The following RUNX1 variants were observed in gnomAD, a reference collection of about 807,000 sequenced individuals.
The protein encoded by RUNX1 is runt-related transcription factor 1.
In RUNX1, 19 loss-of-function variants were observed where a neutral mutation model predicts 42.8. That is an observed-to-expected ratio of 0.44 (90% CI 0.31 to 0.65). The LOEUF (loss-of-function observed/expected upper bound fraction) is 0.65. Among genes scored for constraint, RUNX1 ranks in the 30% least tolerant of loss-of-function variants. The pLI, the probability that RUNX1 is intolerant of heterozygous loss-of-function variation, is 0.07. For synonymous variants in RUNX1, 271 were observed against 289.4 expected, an observed-to-expected ratio of 0.94 and a Z score of 0.64; for missense variants, 528 against 672.0, an observed-to-expected ratio of 0.79 and a Z score of 2.37.
At chr21:34,889,639 C>T (rs2058053353) in intron 3 of RUNX1, 4 of 1,104,568 alleles carry the variant, frequency 3.6e-6, no homozygotes, top group South Asian at 4.7e-5. Flanking sequence ...CCTCTCCCCG[C>T]CCCCGTGCGC....
At position 34,867,990 on chromosome 21, in the gene RUNX1, A is replaced by G. The variant is rs538580304; in HGVS notation, c.509-8412T>C. ...CCCTAGCCGGGTGCCTCAAACACAC[A>G]GCCCAAGGCCACACAGAGCTGCAGC... On this transcript the variant is annotated intron_variant, in intron 5 of 8. Transcript: ENST00000675419. 4.3e-3 allele frequency among the ~76,000 whole-genome samples: 657 copies of G among 152,286 alleles called. 4 individuals are homozygous for G. The highest frequency in any genetic ancestry group is 0.015 in the African/African-American group (606 of 41,552).
In RUNX1 at chr21:34,901,312, C is replaced by T. The variant is rs2058175480; in HGVS notation, c.59-8349G>A. Reference sequence around the variant, plus strand: ...GGATCATGAGGTCAAGAGTTTGAGACCAGCCCGGCCAACATGGTGAAACCC... The same window carrying T: ...GGATCATGAGGTCAAGAGTTTGAGATCAGCCCGGCCAACATGGTGAAACCC... On this transcript the variant is annotated intron_variant, in intron 2 of 8. Coordinates refer to ENST00000675419, the MANE Select transcript of RUNX1 (RefSeq NM_001754.5). The surrounding 1 kb of genome is among the most constrained non-coding windows in gnomAD (Gnocchi z 4.3). Among the ~76,000 whole-genome samples the T allele has an allele frequency of 6.6e-6, 1 of 151,868 alleles. No individual in the cohort carries two copies. Among genetic ancestry groups the T allele is most frequent in the African/African-American group, 2.4e-5 (1 of 41,322 alleles).
At chr21:34,883,106 T>C (rs528279830) in intron 4 of RUNX1, among the ~76,000 whole-genome samples, 8 of 152,350 alleles carry the variant, frequency 5.3e-5, no homozygotes, top group Non-Finnish European at 1.0e-4. Flanking sequence ...ACTATCCTCA[T>C]TGGTAATTTG....
At chr21:34,839,721 G>C (rs1156751047) in intron 6 of RUNX1, among the ~76,000 whole-genome samples, 1 of 152,122 alleles carries the variant, frequency 6.6e-6, no homozygotes, top group African/African-American at 2.4e-5. Flanking sequence ...AGAATTTGGA[G>C]TTCTAATAAG....
At chr21:34,945,460 T>C (rs1199377821) in intron 2 of RUNX1, among the ~76,000 whole-genome samples, 1 of 152,098 alleles carries the variant, frequency 6.6e-6, no homozygotes, top group South Asian at 2.1e-4. Flanking sequence ...AGCAGCCTCA[T>C]TTTCCACCTC....
intron 5 of RUNX1, among the ~76,000 whole-genome samples, chr21:34,878,972 C>T (rs1321800374): frequency 6.6e-6 from 1 of 152,202 alleles, no homozygotes; most frequent in South Asian, 2.1e-4. Flanking sequence ...AACACTTTCT[C>T]TAGAAAAGCA....
chr21:35,033,194 T>C (rs913539183), intron 2 of RUNX1, among the ~76,000 whole-genome samples: 1 of 152,210 alleles, frequency 6.6e-6, no homozygotes, highest in Non-Finnish European at 1.5e-5. Context: ...CAACATTTCT[T>C]GAGTGCCCAA....
chr21:34,938,479 TTTTC>T (rs2058502742), intron 2 of RUNX1, among the ~76,000 whole-genome samples: 1 of 152,170 alleles, frequency 6.6e-6, no homozygotes, highest in South Asian at 2.1e-4. Context: ...AGTTCTCTCA[TTTTC>T]TTTCTGCTCT....
At chr21:34,859,143 T>C (rs926290099) in intron 6 of RUNX1, among the ~76,000 whole-genome samples, 1 of 152,198 alleles carries the variant, frequency 6.6e-6, no homozygotes, top group Non-Finnish European at 1.5e-5. Context: ...CAATCTTCCA[T>C]TTACTATTTG....
intron 2 of RUNX1, among the ~76,000 whole-genome samples, chr21:34,944,861 C>T (rs1352053433): frequency 1.3e-5 from 2 of 152,122 alleles, no homozygotes; most frequent in African/African-American, 2.4e-5. Flanking sequence ...AATGTTAATA[C>T]CTCCACTCTG....
intron 2 of RUNX1, among the ~76,000 whole-genome samples, chr21:34,911,924 A>C: frequency 6.6e-6 from 1 of 152,026 alleles, no homozygotes; most frequent in Non-Finnish European, 1.5e-5. Context: ...GTAATGGGTA[A>C]AGTAACCCCG....
chr21:35,017,937 T>A (rs996611632), intron 2 of RUNX1, among the ~76,000 whole-genome samples: 4 of 152,224 alleles, frequency 2.6e-5, no homozygotes, highest in Non-Finnish European at 4.4e-5. Context: ...GCACCCCAGA[T>A]ATTAAATCAA....
At chr21:35,041,022 C>G (rs2059355264) in intron 2 of RUNX1, among the ~76,000 whole-genome samples, 1 of 152,160 alleles carries the variant, frequency 6.6e-6, no homozygotes, top group Non-Finnish European at 1.5e-5. Flanking sequence ...CCACGTACCT[C>G]CCAAGGAGAG....
intron 2 of RUNX1, among the ~76,000 whole-genome samples, chr21:34,979,663 C>T (rs1020649515): frequency 3.3e-5 from 5 of 152,300 alleles, no homozygotes; most frequent in African/African-American, 1.2e-4. Flanking sequence ...TCAATGTTTG[C>T]TTAAAGACAT....
At chr21:34,820,371 C>T (rs1484064562) in intron 7 of RUNX1, among the ~76,000 whole-genome samples, 1 of 152,062 alleles carries the variant, frequency 6.6e-6, no homozygotes, top group East Asian at 1.9e-4. Context: ...CTCCTCCAGC[C>T]AGGCATGGTG....
At chr21:34,848,220 G>A (rs968022701) in intron 6 of RUNX1, among the ~76,000 whole-genome samples, 5 of 152,316 alleles carry the variant, frequency 3.3e-5, no homozygotes, top group Admixed American at 1.3e-4. Flanking sequence ...ATCTGATCCC[G>A]AAGGGGAGGC....
At chr21:34,889,254 C>G (rs1421842075) in intron 3 of RUNX1, among the ~76,000 whole-genome samples, 2 of 152,114 alleles carry the variant, frequency 1.3e-5, no homozygotes, top group Non-Finnish European at 2.9e-5. Context: ...CCCGGGGGAG[C>G]CACTCCGCGC....
intron 3 of RUNX1, chr21:34,888,278 C>G: frequency 9.4e-7 from 1 of 1,067,504 alleles, no homozygotes; most frequent in Non-Finnish European, 1.1e-6. Flanking sequence ...AGGGAGGGCT[C>G]CGCGGCGCAG....
intron 2 of RUNX1, among the ~76,000 whole-genome samples, chr21:34,940,177 C>T (rs781100232): frequency 2.6e-5 from 4 of 152,068 alleles, no homozygotes; most frequent in Non-Finnish European, 4.4e-5. Context: ...CAGAAAGTGG[C>T]TACTGAGAAT....
Sources: gnomAD v4.1 joint callset for allele counts (sites outside exome capture counted in the v4.1 genomes callset) on GRCh38, gnomAD v4.1.1 for gene constraint, Gnocchi (gnomAD v3.1) non-coding constraint, MANE v1.5 for transcripts, NCBI Gene and HGNC (gene_info 2026-07-23, HGNC 2026-07-21) for gene names.